PRUNE2: variants seen among roughly 807,000 people sequenced by gnomAD.
The protein encoded by PRUNE2 is protein prune homolog 2.
A neutral mutation model predicts 252.0 loss-of-function variants in PRUNE2; 164 were observed. That is an observed-to-expected ratio of 0.65 (90% CI 0.57 to 0.74). PRUNE2 has a LOEUF of 0.74. PRUNE2 is among the 30% of genes least tolerant of loss of function. The pLI is 0.00. For synonymous variants in PRUNE2, 1,292 were observed against 1,350.2 expected (o/e 0.96, Z 0.94); for missense variants, 3,495 against 3,711.0 (o/e 0.94, Z 1.51).
chr9:76,826,667 G>C lies in PRUNE2; in HGVS notation c.574C>G (p.Leu192Val), dbSNP rs371655412. The change falls in exon 5 of 19, where the codon CTT (leucine) becomes GTT (valine). Residue 192 changes from leucine to valine, a missense_variant. Coordinates refer to ENST00000376718, the MANE Select transcript of PRUNE2 (RefSeq NM_015225.3). ...EKISEKQEEI[L>V]SILEEKFPNL... ...GGAAATTTTTCTTCCAGGATAGAAA[G>C]AATTTCCTCCTGCTTCTCTGAGATC... 1.2e-6 allele frequency: 2 copies of C among 1,611,950 alleles called. No homozygotes were observed. The highest frequency in any genetic ancestry group is 2.2e-5 in the East Asian group (1 of 44,822).
intron 9 of PRUNE2, among the ~76,000 whole-genome samples, chr9:76,666,661 C>T (rs939832801): frequency 1.3e-5 from 2 of 152,070 alleles, no homozygotes; most frequent in Non-Finnish European, 2.9e-5. Flanking sequence ...TGCCTTGTAT[C>T]CAATAAATAA....
At chr9:76,697,268 G>A (rs924253257) in intron 9 of PRUNE2, among the ~76,000 whole-genome samples, 2 of 152,168 alleles carry the variant, frequency 1.3e-5, no homozygotes, top group African/African-American at 4.8e-5. Context: ...TTCCTCCCAC[G>A]GGGAAACAGA....
intron 6 of PRUNE2, among the ~76,000 whole-genome samples, chr9:76,793,944 G>C (rs2055802100): frequency 6.6e-6 from 1 of 152,100 alleles, no homozygotes; most frequent in Admixed American, 6.5e-5. Flanking sequence ...AAAGGCGTGG[G>C]CTATAAAGAC....
chr9:76,768,876 A>G (rs993131155), intron 6 of PRUNE2, among the ~76,000 whole-genome samples: 3 of 152,212 alleles, frequency 2.0e-5, no homozygotes, highest in Non-Finnish European at 4.4e-5. Context: ...TTTACTTTGC[A>G]TAATTCCTAC....
At chr9:76,881,671 G>C (rs1233677788) in intron 1 of PRUNE2, among the ~76,000 whole-genome samples, 1 of 150,788 alleles carries the variant, frequency 6.6e-6, no homozygotes, top group Admixed American at 6.6e-5. Context: ...ACCCAGGCTG[G>C]AGTGCAGTGG....
At chr9:76,832,788 A>C (rs1936292) in intron 4 of PRUNE2, among the ~76,000 whole-genome samples, 3 of 151,810 alleles carry the variant, frequency 2.0e-5, no homozygotes, top group Non-Finnish European at 4.4e-5. Context: ...AGTTTTGAAA[A>C]CAATTCAAGA....
intron 6 of PRUNE2, among the ~76,000 whole-genome samples, chr9:76,766,321 G>T (rs1259834146): frequency 6.6e-6 from 1 of 152,098 alleles, no homozygotes; most frequent in Non-Finnish European, 1.5e-5. Flanking sequence ...AAGCCTATCT[G>T]TGTGGGATTA....
chr9:76,708,528 G>A lies in PRUNE2; in HGVS notation c.3746C>T (p.Pro1249Leu). The change falls in exon 8 of 19, where the codon CCT (proline) becomes CTT (leucine). Residue 1249 changes from proline (P) to leucine (L), a missense_variant. Physicochemically the swap from Pro to Leu is moderately conservative, Grantham distance 98. Coordinates refer to ENST00000376718, the MANE Select transcript of PRUNE2 (RefSeq NM_015225.3). ...HITDSEQREL[P>L]PEIPSHSANV... ...TGCTGAATGGCTGGGGATTTCAGGA[G>A]GCAATTCCCTTTGCTCTGAATCTGT... 1 of 1,613,950 alleles carries A rather than the reference G, an allele frequency of 6.2e-7. No individual in the cohort carries two copies. The highest frequency in any genetic ancestry group is 8.5e-7 in the Non-Finnish European group (1 of 1,179,884).
At chr9:76,731,662 GTATC>G (rs1431707465) in intron 6 of PRUNE2, among the ~76,000 whole-genome samples, 2 of 151,984 alleles carry the variant, frequency 1.3e-5, no homozygotes, top group Non-Finnish European at 2.9e-5. Context: ...AAACAAAATT[GTATC>G]TTTCTAGTAC....
At chr9:76,850,411 A>G (rs1426920531) in intron 3 of PRUNE2, 52 bp downstream of exon 3, 2 of 1,409,208 alleles carry the variant, frequency 1.4e-6, no homozygotes, top group East Asian at 2.3e-5. Flanking sequence ...CACTTTGCCC[A>G]GTAGAACCTT....
chr9:76,724,048 G>T (rs917432026), intron 6 of PRUNE2, among the ~76,000 whole-genome samples: 3 of 150,916 alleles, frequency 2.0e-5, no homozygotes, highest in African/African-American at 7.3e-5. Context: ...GCCCGCCTCA[G>T]CCTCCCAAAG....
rs577884852 is a variant in PRUNE2 at position 76,713,580 on chromosome 9, T to A, written c.898A>T (p.Met300Leu). ...RRQIAVYSENMELCSQICCEL... is the reference protein window; with the variant it reads ...RRQIAVYSENLELCSQICCEL... ...GGGCTCACCTGACTGCACAGCTCCA[T>A]GTTTTCTGAGTACACAGCAATCTGT... Residue 300 changes from methionine to leucine, a missense_variant, in exon 7 of 19, where the codon ATG (methionine) becomes TTG (leucine). Transcript: ENST00000376718. 5.7e-5 allele frequency: 92 copies of A among 1,610,794 alleles called. No individual in the cohort carries two copies. Among genetic ancestry groups the A allele is most frequent in the Non-Finnish European group, 7.5e-5 (88 of 1,178,590 alleles).
In PRUNE2 at chr9:76,651,485, G is replaced by A. The variant is rs564211614; in HGVS notation, c.8557+998C>T. Among the ~76,000 whole-genome samples the A allele has an allele frequency of 2.6e-5, 4 of 152,250 alleles. No homozygotes were observed. In the South Asian group the frequency reaches 6.2e-4, roughly 24 times the overall value. ...CACTGTATTGCTTTTAAGATTGCGT[G>A]AATTTTAAAAATGAATAAAAGCAAT... On this transcript the variant is annotated intron_variant, in intron 11 of 18. Transcript: ENST00000376718.
At chr9:76,626,555 A>G (rs938764774) in intron 16 of PRUNE2, among the ~76,000 whole-genome samples, 3 of 152,202 alleles carry the variant, frequency 2.0e-5, no homozygotes, top group Non-Finnish European at 4.4e-5. Flanking sequence ...TCCAGAAAAA[A>G]ATTTTTCCAA....
At chr9:76,692,774 A>G (rs1466286400) in intron 9 of PRUNE2, 1 of 152,352 alleles carries the variant, frequency 6.6e-6, no homozygotes, top group Non-Finnish European at 1.5e-5. Context: ...TGGCACCTTA[A>G]GACTGCTCAT....
In PRUNE2 at chr9:76,752,107, T is replaced by TG. The variant is rs1362829920; in HGVS notation, c.757-38387_757-38386insC. Among the ~76,000 whole-genome samples, 11 of 151,144 alleles carry TG rather than the reference T, an allele frequency of 7.3e-5. No individual in the cohort carries two copies. The East Asian group carries it at 1.4e-3, about 19-fold the overall frequency. On this transcript the variant is annotated intron_variant, in intron 6 of 18. Coordinates refer to ENST00000376718, the MANE Select transcript of PRUNE2 (RefSeq NM_015225.3). ...CCTGTTTTTTTTTTGGTTTTTTTTT[T>TG]TTTTTTTTGAGACGGAGTCTCACTC...
At position 76,655,513 on chromosome 9, in the gene PRUNE2, A is replaced by C. The variant is rs1011490759; in HGVS notation, c.8277-11T>G. 2 of 1,601,996 alleles carry C rather than the reference A, an allele frequency of 1.2e-6. No homozygotes were observed. The highest frequency in any genetic ancestry group is 2.7e-5 in the African/African-American group (2 of 74,842). Reference sequence around the variant, plus strand: ...TCCTCTGACAGTAGTCTGCAAAAAAAGCAAAGCAAAGCGCGTCAACAACAA... The same window carrying C: ...TCCTCTGACAGTAGTCTGCAAAAAACGCAAAGCAAAGCGCGTCAACAACAA... On this transcript the variant is annotated splice_polypyrimidine_tract_variant and intron_variant, in intron 9 of 18. Transcript: ENST00000376718.
chr9:76,835,605 T>G (rs2058916455), intron 4 of PRUNE2, among the ~76,000 whole-genome samples: 2 of 152,172 alleles, frequency 1.3e-5, no homozygotes, highest in African/African-American at 4.8e-5. Flanking sequence ...GCAGAAACAA[T>G]CACTTCTTCC....
intron 4 of PRUNE2, among the ~76,000 whole-genome samples, chr9:76,845,067 T>C (rs2059603827): frequency 6.7e-6 from 1 of 149,902 alleles, no homozygotes; most frequent in South Asian, 2.1e-4. Flanking sequence ...TCTTTTACCA[T>C]TGTTCATTTT....
Sources: gnomAD v4.1 joint callset for allele counts (sites outside exome capture counted in the v4.1 genomes callset) on GRCh38, gnomAD v4.1.1 for gene constraint, MANE v1.5 for transcripts, NCBI Gene and HGNC (gene_info 2026-07-23, HGNC 2026-07-21) for gene names.